The following DLG2 variants were observed in gnomAD, a reference collection of about 807,000 sequenced individuals.
DLG2 encodes discs large MAGUK scaffold protein 2, also known as disks large homolog 2.
Under a neutral mutation model 132.5 loss-of-function variants are expected in DLG2, and 45 were observed. That is an observed-to-expected ratio of 0.34 (90% CI 0.27 to 0.44). The LOEUF (loss-of-function observed/expected upper bound fraction) is 0.44. Ranked by LOEUF, DLG2 falls within the 20% of genes least tolerant of loss-of-function variation. The pLI is 1.00. For missense variants in DLG2, 1,045 were observed against 1,196.9 expected (o/e 0.87, Z 1.87); for synonymous variants, 424 against 419.6 (o/e 1.01, Z -0.13).
rs1392594703 is a variant in DLG2 at position 85,075,593 on chromosome 11, C to G, written c.357+36068G>C. On this transcript the variant is annotated intron_variant, in intron 6 of 27. Coordinates refer to ENST00000376104, the MANE Select transcript of DLG2 (RefSeq NM_001142699.3). Reference sequence around the variant, plus strand: ...TATACCACTATTTAAATAAGTTACTCTATCTCTTTCTCACATACACATATA... The same window carrying G: ...TATACCACTATTTAAATAAGTTACTGTATCTCTTTCTCACATACACATATA... Among the ~76,000 whole-genome samples, 5 of 151,988 alleles carry G rather than the reference C, an allele frequency of 3.3e-5. No homozygotes were observed. In the South Asian group the frequency reaches 8.3e-4, roughly 25 times the overall value.
intron 18 of DLG2, among the ~76,000 whole-genome samples, chr11:83,664,292 A>C (rs990683009): frequency 2.2e-4 from 33 of 152,196 alleles, no homozygotes; most frequent in Admixed American, 2.1e-3. Context: ...CATGTTTTTT[A>C]CTAGAGAGGT....
intron 17 of DLG2, among the ~76,000 whole-genome samples, chr11:83,788,146 G>A (rs1037867168): frequency 2.0e-5 from 3 of 152,282 alleles, no homozygotes; most frequent in East Asian, 3.9e-4. Flanking sequence ...ATGTATAATC[G>A]TATTTTGCTT....
intron 15 of DLG2, among the ~76,000 whole-genome samples, chr11:83,909,656 G>C (rs2075693419): frequency 6.6e-6 from 1 of 152,192 alleles, no homozygotes; most frequent in Non-Finnish European, 1.5e-5. Flanking sequence ...TTAAATTTAT[G>C]ATGAAACGAA....
chr11:83,967,067 T>C (rs974881929), intron 12 of DLG2, among the ~76,000 whole-genome samples: 2 of 152,076 alleles, frequency 1.3e-5, no homozygotes, highest in African/African-American at 4.8e-5. Context: ...AATGGCAGGA[T>C]CTCCCATTTT....
At chr11:84,343,135 A>C (rs1434873444) in intron 7 of DLG2, among the ~76,000 whole-genome samples, 2 of 152,318 alleles carry the variant, frequency 1.3e-5, no homozygotes, top group Admixed American at 6.5e-5. Flanking sequence ...GGAGAAGAGA[A>C]AGCTTTGCAG....
chr11:85,125,804 TATACACAC>T (rs1594596569), intron 5 of DLG2, among the ~76,000 whole-genome samples: 6 of 85,238 alleles, frequency 7.0e-5, no homozygotes, highest in South Asian at 3.9e-4. Flanking sequence ...TCCCAGACAT[TATACACAC>T]ACACACACAC....
At chr11:84,331,101 C>T (rs1414602593) in intron 7 of DLG2, among the ~76,000 whole-genome samples, 2 of 152,152 alleles carry the variant, frequency 1.3e-5, no homozygotes, top group Non-Finnish European at 2.9e-5. Context: ...AGTCCAGAAG[C>T]ATCTGCAGTT....
chr11:85,123,257 G>T (rs1345265926), intron 5 of DLG2, among the ~76,000 whole-genome samples: 2 of 151,822 alleles, frequency 1.3e-5, no homozygotes, highest in East Asian at 3.9e-4. Flanking sequence ...GATTACAGGC[G>T]TGAGCCACCA....
intron 26 of DLG2, among the ~76,000 whole-genome samples, chr11:83,464,512 G>C (rs567903691): frequency 7.2e-5 from 11 of 152,328 alleles, no homozygotes; most frequent in African/African-American, 2.6e-4. Context: ...GCATTGGTCT[G>C]AATGTCACCA....
chr11:85,226,174 A>C (rs2074963380), intron 4 of DLG2, among the ~76,000 whole-genome samples: 1 of 150,680 alleles, frequency 6.6e-6, no homozygotes. Context: ...AAATAATATA[A>C]TTGCATATTC....
At chr11:83,633,764 A>ACG (rs2064035947) in intron 18 of DLG2, among the ~76,000 whole-genome samples, 2 of 151,720 alleles carry the variant, frequency 1.3e-5, no homozygotes, top group Admixed American at 1.3e-4. Flanking sequence ...ACACACACAC[A>ACG]CACACACACA....
In DLG2 at chr11:83,705,434, C is replaced by T. The variant is rs118024045; in HGVS notation, c.1826-72109G>A. 1.8e-3 allele frequency among the ~76,000 whole-genome samples: 275 copies of T among 152,118 alleles called. 9 individuals carry two copies. The East Asian group carries it at 0.041, about 23-fold the overall frequency. ...ATTGATTACTTTTGCGATTACTTTA[C>T]TTTTCAAAACATCATTATTAAATAC... On this transcript the variant is annotated intron_variant, in intron 18 of 27. Coordinates refer to ENST00000376104, the MANE Select transcript of DLG2 (RefSeq NM_001142699.3).
intron 18 of DLG2, among the ~76,000 whole-genome samples, chr11:83,681,099 T>C (rs1359194879): frequency 6.6e-6 from 1 of 152,074 alleles, no homozygotes; most frequent in African/African-American, 2.4e-5. Flanking sequence ...ACTTGAAACA[T>C]TTGAAAAAAA....
intron 4 of DLG2, among the ~76,000 whole-genome samples, chr11:85,278,786 C>A (rs909111499): frequency 6.6e-6 from 1 of 152,112 alleles, no homozygotes; most frequent in Non-Finnish European, 1.5e-5. Flanking sequence ...TAGTAAAAAT[C>A]ATCCTTTCTC....
In DLG2 at chr11:83,976,865, C is replaced by T. The variant is rs184734437; in HGVS notation, c.1056+3641G>A. On this transcript the variant is annotated intron_variant, in intron 12 of 27. Transcript: ENST00000376104. ...TACACACTAGACATATATGAACTAA[C>T]CAGAGATGTGAATGATTCTCTGTAC... Among the ~76,000 whole-genome samples, 687 of 151,890 alleles carry T rather than the reference C, an allele frequency of 4.5e-3. 3 individuals are homozygous for T. The highest frequency in any genetic ancestry group is 0.024 in the Middle Eastern group (7 of 294).
At chr11:84,839,446 C>A (rs1053117903) in intron 6 of DLG2, among the ~76,000 whole-genome samples, 1 of 152,050 alleles carries the variant, frequency 6.6e-6, no homozygotes, top group African/African-American at 2.4e-5. Flanking sequence ...TCAATGCCAT[C>A]CCCATCAAGC....
chr11:84,517,095 C>A (rs2099276074), intron 7 of DLG2, among the ~76,000 whole-genome samples: 1 of 134,558 alleles, frequency 7.4e-6, no homozygotes, highest in African/African-American at 2.7e-5. Context: ...TTGGTTTGAG[C>A]AATAATTTGG....
intron 19 of DLG2, among the ~76,000 whole-genome samples, chr11:83,577,111 A>G (rs2096885129): frequency 6.6e-6 from 1 of 152,096 alleles, no homozygotes; most frequent in South Asian, 2.1e-4. Context: ...GCAGGCAGAA[A>G]AACGTGAAAA....
chr11:84,703,543 G>C (rs1317820121), intron 6 of DLG2, among the ~76,000 whole-genome samples: 1 of 151,320 alleles, frequency 6.6e-6, no homozygotes, highest in African/African-American at 2.4e-5. Flanking sequence ...CCCTCTATGA[G>C]ATAAACAAAT....
Sources: gnomAD v4.1 joint callset for allele counts (sites outside exome capture counted in the v4.1 genomes callset) on GRCh38, gnomAD v4.1.1 for gene constraint, MANE v1.5 for transcripts, NCBI Gene and HGNC (gene_info 2026-07-23, HGNC 2026-07-21) for gene names.